ZNF385D: variants seen among roughly 807,000 people sequenced by gnomAD.
The protein encoded by ZNF385D is zinc finger protein 659.
ZNF385D carries 15 observed loss-of-function variants against 35.8 expected under a neutral mutation model. The observed-to-expected ratio is 0.42, with a 90% CI of 0.28 to 0.64. The LOEUF is 0.64. ZNF385D is among the 30% of genes least tolerant of loss of function. The pLI is 0.23. For missense variants in ZNF385D, 474 were observed against 494.6 expected (o/e 0.96, Z 0.39); for synonymous variants, 212 against 186.8 (o/e 1.13, Z -1.10).
chr3:22,341,516 C>T (rs1004190425), intron 2 of ZNF385D, among the ~76,000 whole-genome samples: 1 of 152,208 alleles, frequency 6.6e-6, no homozygotes, highest in East Asian at 1.9e-4. Context: ...CTCTAGAGGT[C>T]AGTCTCCTAT....
chr3:21,780,724 G>A (rs369727885), intron 3 of ZNF385D, among the ~76,000 whole-genome samples: 12 of 151,896 alleles, frequency 7.9e-5, no homozygotes, highest in African/African-American at 2.4e-4. Context: ...AACCTGCATG[G>A]GGCTACTGAA....
rs574609511 is a variant in ZNF385D, at chr3:21,845,837, G to C, written c.326-180809C>G. Among the ~76,000 whole-genome samples the C allele has an allele frequency of 2.6e-5, 4 of 152,062 alleles. No homozygotes were observed. In the South Asian group the frequency reaches 8.3e-4, roughly 31 times the overall value. On this transcript the variant is annotated intron_variant, in intron 3 of 5. Transcript: ENST00000494108. ...GCTTGACTGCAATTTCTACATCAAT[G>C]TCAGATTAAGAAAATACGCCTGAAT...
At chr3:22,170,811 T>G (rs573219867) in intron 2 of ZNF385D, among the ~76,000 whole-genome samples, 30 of 152,314 alleles carry the variant, frequency 2.0e-4, no homozygotes, top group African/African-American at 7.2e-4. Context: ...TTAAATCTTT[T>G]ATCTCAAATA....
chr3:22,078,954 T>C (rs568811687), intron 3 of ZNF385D, among the ~76,000 whole-genome samples: 4 of 152,064 alleles, frequency 2.6e-5, no homozygotes, highest in Non-Finnish European at 5.9e-5. Flanking sequence ...TTTTTCTTTA[T>C]TTCAAGTGTG....
At chr3:22,316,433 A>T (rs1703889719) in intron 2 of ZNF385D, among the ~76,000 whole-genome samples, 1 of 152,232 alleles carries the variant, frequency 6.6e-6, no homozygotes, top group Non-Finnish European at 1.5e-5. Context: ...ATTTTAATTT[A>T]TAGGTTGCAC....
chr3:21,566,594 G>A (rs547926250), intron 2 of ZNF385D, among the ~76,000 whole-genome samples: 15 of 152,164 alleles, frequency 9.9e-5, no homozygotes, highest in Admixed American at 2.6e-4. Flanking sequence ...CCATTCCAGC[G>A]TGGGTGACAG....
intron 4 of ZNF385D, among the ~76,000 whole-genome samples, chr3:21,478,430 A>G (rs1201074612): frequency 3.9e-5 from 6 of 152,122 alleles, no homozygotes; most frequent in Admixed American, 3.9e-4. Flanking sequence ...ATGCCCTAAC[A>G]TTATGTTCAT....
intron 2 of ZNF385D, among the ~76,000 whole-genome samples, chr3:22,317,280 C>CAAAAAAAAAAAAAA (rs59675675): frequency 7.7e-5 from 2 of 26,096 alleles, no homozygotes; most frequent in Non-Finnish European, 6.6e-5. Flanking sequence ...ACTCCATCTC[C>CAAAAAAAAAAAAAA]AAAAAAAAAA....
intron 2 of ZNF385D, among the ~76,000 whole-genome samples, chr3:22,363,179 T>TGGACCTTGCCC (rs1553657273): frequency 4.7e-4 from 72 of 151,998 alleles, no homozygotes; most frequent in Non-Finnish European, 9.7e-4. Flanking sequence ...CCTTGCCCAC[T>TGGACCTTGCCC]ACTGCCACCT....
In ZNF385D at chr3:22,286,983, C is replaced by G. The variant is rs1452429404; in HGVS notation, c.106+85467G>C. On this transcript the variant is annotated intron_variant, in intron 2 of 5. Transcript: ENST00000494108. ...TTGCTGAAAGTAGGATGTTGATCCC[C>G]TACAATTAATGTATTAGACTCTATC... is the stretch of plus-strand genomic sequence containing the variant. Among the ~76,000 whole-genome samples the G allele has an allele frequency of 5.9e-5, 9 of 152,100 alleles. No individual in the cohort carries two copies. The East Asian group carries it at 1.7e-3, about 30-fold the overall frequency.
chr3:21,602,517 C>CTTTTTTTTTATTTTTTTTTT (rs2064334228), intron 2 of ZNF385D, among the ~76,000 whole-genome samples: 1 of 62,710 alleles, frequency 1.6e-5, no homozygotes, highest in African/African-American at 7.6e-5. Context: ...CCTGCATTTT[C>CTTTTTTTTTATTTTTTTTTT]TTTTTTTTTT....
intron 3 of ZNF385D, among the ~76,000 whole-genome samples, chr3:21,868,183 G>A (rs1019574543): frequency 2.0e-5 from 3 of 152,058 alleles, no homozygotes; most frequent in African/African-American, 4.8e-5. Context: ...GCTCGTGCAC[G>A]ATGCAGTCTC....
At chr3:21,547,217 C>G (rs1204050279) in intron 3 of ZNF385D, among the ~76,000 whole-genome samples, 1 of 152,142 alleles carries the variant, frequency 6.6e-6, no homozygotes, top group Non-Finnish European at 1.5e-5. Context: ...AACCCTTAAA[C>G]TGGTTGGTTT....
intron 3 of ZNF385D, among the ~76,000 whole-genome samples, chr3:21,765,565 G>A (rs1392731081): frequency 6.6e-6 from 1 of 151,982 alleles, no homozygotes; most frequent in Non-Finnish European, 1.5e-5. Flanking sequence ...GTGTCAATTG[G>A]TGATGGGCCC....
chr3:22,190,423 C>T (rs923193236), intron 2 of ZNF385D, among the ~76,000 whole-genome samples: 2 of 152,114 alleles, frequency 1.3e-5, no homozygotes, highest in South Asian at 4.1e-4. Flanking sequence ...ACCTTAATTG[C>T]ATTTCAAATG....
chr3:21,804,965 G>C (rs1053804384), intron 3 of ZNF385D, among the ~76,000 whole-genome samples: 1 of 152,136 alleles, frequency 6.6e-6, no homozygotes, highest in Admixed American at 6.5e-5. Context: ...AAATATCCTT[G>C]CCCTGGGCAG....
At chr3:22,048,728 G>A (rs1179693198) in intron 3 of ZNF385D, among the ~76,000 whole-genome samples, 1 of 152,024 alleles carries the variant, frequency 6.6e-6, no homozygotes. Context: ...AACTATTCTG[G>A]GTCTTTTGTG....
intron 3 of ZNF385D, among the ~76,000 whole-genome samples, chr3:21,952,294 G>C (rs566698321): frequency 5.3e-4 from 81 of 151,868 alleles, no homozygotes; most frequent in Non-Finnish European, 9.7e-4. Context: ...AAGATCTAGT[G>C]GTCTTTGTTT....
At chr3:22,108,034 G>A (rs868047284) in intron 3 of ZNF385D, among the ~76,000 whole-genome samples, 2 of 151,378 alleles carry the variant, frequency 1.3e-5, no homozygotes, top group South Asian at 2.1e-4. Context: ...CAGAAAGAAC[G>A]CCCTTACTAG....
Sources: gnomAD v4.1 joint callset for allele counts (sites outside exome capture counted in the v4.1 genomes callset) on GRCh38, gnomAD v4.1.1 for gene constraint, MANE v1.5 for transcripts, NCBI Gene and HGNC (gene_info 2026-07-23, HGNC 2026-07-21) for gene names.